Variants in STAC observed in about 807,000 individuals in gnomAD.
STAC encodes SH3 and cysteine-rich domain-containing protein.
Under a neutral mutation model 48.8 loss-of-function variants are expected in STAC, and 43 were observed. The observed-to-expected ratio is 0.88, with a 90% confidence interval of 0.69 to 1.14. The LOEUF (loss-of-function observed/expected upper bound fraction) is 1.14, where lower values mean the gene tolerates loss of function less well. Among genes scored for constraint, STAC ranks in the 50% most tolerant of loss-of-function variants. STAC has a pLI of 0.00. For synonymous variants in STAC, 193 were observed against 179.5 expected (o/e 1.07, Z -0.60); for missense variants, 497 against 504.0 (o/e 0.99, Z 0.13).
intron 10 of STAC, among the ~76,000 whole-genome samples, chr3:36,540,608 G>A (rs539723872): frequency 1.3e-5 from 2 of 152,178 alleles, no homozygotes; most frequent in Admixed American, 6.5e-5. Context: ...TGGAGAAAGG[G>A]GACCACAAGC....
At chr3:36,508,846 C>T (rs908266652) in intron 8 of STAC, among the ~76,000 whole-genome samples, 1 of 152,118 alleles carries the variant, frequency 6.6e-6, no homozygotes, top group African/African-American at 2.4e-5. Context: ...ACAAAGCACA[C>T]CGATGGGTCT....
At chr3:36,408,939 T>C (rs945064248) in intron 1 of STAC, among the ~76,000 whole-genome samples, 1 of 152,202 alleles carries the variant, frequency 6.6e-6, no homozygotes, top group Non-Finnish European at 1.5e-5. Flanking sequence ...TTAATTGTGA[T>C]ACCCTCCACA....
At chr3:36,473,128 C>A (rs1020193088) in intron 2 of STAC, among the ~76,000 whole-genome samples, 51 of 152,260 alleles carry the variant, frequency 3.3e-4, no homozygotes, top group African/African-American at 1.2e-3. Context: ...AGGAGGAAGC[C>A]AAAGCAGAAA....
intron 8 of STAC, among the ~76,000 whole-genome samples, chr3:36,527,762 A>G (rs777777945): frequency 2.0e-5 from 3 of 152,206 alleles, no homozygotes; most frequent in Non-Finnish European, 2.9e-5. Context: ...TTGAATAGAA[A>G]GAATTAAACA....
At chr3:36,452,889 A>C (rs1696723789) in intron 2 of STAC, among the ~76,000 whole-genome samples, 1 of 152,052 alleles carries the variant, frequency 6.6e-6, no homozygotes, top group Non-Finnish European at 1.5e-5. Context: ...TCCATGACTG[A>C]CTCTTCAGTT....
chr3:36,435,190 T>C (rs1198605381), intron 1 of STAC, among the ~76,000 whole-genome samples: 3 of 152,146 alleles, frequency 2.0e-5, no homozygotes, highest in African/African-American at 7.2e-5. Flanking sequence ...CCCTCCCCTG[T>C]CTCTGAAATG....
intron 1 of STAC, among the ~76,000 whole-genome samples, chr3:36,423,905 C>T (rs1027867013): frequency 6.6e-6 from 1 of 152,104 alleles, no homozygotes; most frequent in Non-Finnish European, 1.5e-5. Flanking sequence ...CATAAATAAT[C>T]TATTGTCCTA....
chr3:36,426,118 A>T (rs1700558862), intron 1 of STAC, among the ~76,000 whole-genome samples: 2 of 152,200 alleles, frequency 1.3e-5, no homozygotes, highest in Non-Finnish European at 2.9e-5. Flanking sequence ...TCATAGATAA[A>T]AGGAATCCAG....
chr3:36,404,157 T>C (rs570539408), intron 1 of STAC, among the ~76,000 whole-genome samples: 3 of 152,090 alleles, frequency 2.0e-5, no homozygotes, highest in Non-Finnish European at 4.4e-5. Flanking sequence ...AATAAGGAGA[T>C]CTAAACAAAT....
intron 10 of STAC, among the ~76,000 whole-genome samples, chr3:36,544,979 G>A (rs1699412061): frequency 6.6e-6 from 1 of 152,182 alleles, no homozygotes; most frequent in Non-Finnish European, 1.5e-5. Context: ...CACAAATCAA[G>A]CTCTTTGAGT....
chr3:36,445,705 T>C (rs1257125190), intron 2 of STAC, among the ~76,000 whole-genome samples: 1 of 152,218 alleles, frequency 6.6e-6, no homozygotes, highest in Non-Finnish European at 1.5e-5. Flanking sequence ...CACGTTATCC[T>C]CATATTCTAG....
At chr3:36,494,929 T>G (rs1469380347) in intron 6 of STAC, among the ~76,000 whole-genome samples, 1 of 152,216 alleles carries the variant, frequency 6.6e-6, no homozygotes, top group Admixed American at 6.5e-5. Flanking sequence ...CACCAGAGAC[T>G]TGCATGATAA....
At chr3:36,428,091 T>C (rs1368631472) in intron 1 of STAC, among the ~76,000 whole-genome samples, 2 of 152,236 alleles carry the variant, frequency 1.3e-5, no homozygotes, top group South Asian at 2.1e-4. Context: ...TTTAATGCTA[T>C]GAAAGGTGTT....
chr3:36,483,097 G>C lies in STAC; in HGVS notation c.489+5G>C, dbSNP rs1697700965. 5 of 1,611,234 alleles carry C rather than the reference G, an allele frequency of 3.1e-6. No homozygotes were observed. Among genetic ancestry groups the C allele is most frequent in the Non-Finnish European group, 4.2e-6 (5 of 1,177,574 alleles). ...CAGCGGTGCATGGGCAAGCTGGTAA[G>C]GGCTTGTGCCAGGAGTGAGGCCCAC... On this transcript the variant is annotated splice_donor_5th_base_variant and intron_variant, in intron 3 of 10. Transcript: ENST00000273183.
chr3:36,498,995 T>A (rs757954443), intron 6 of STAC, among the ~76,000 whole-genome samples: 1 of 152,178 alleles, frequency 6.6e-6, no homozygotes, highest in South Asian at 2.1e-4. Flanking sequence ...ACAGTATAAG[T>A]GAAATAACAG....
At chr3:36,502,879 T>C (rs1348551553) in intron 6 of STAC, among the ~76,000 whole-genome samples, 1 of 152,186 alleles carries the variant, frequency 6.6e-6, no homozygotes, top group African/African-American at 2.4e-5. Flanking sequence ...GCTCCACCAA[T>C]GACTGCATAT....
chr3:36,421,240 A>G (rs950761044), intron 1 of STAC, among the ~76,000 whole-genome samples: 3 of 152,238 alleles, frequency 2.0e-5, no homozygotes, highest in African/African-American at 7.2e-5. Context: ...AAACTTGGAT[A>G]CATTCAACTG....
chr3:36,481,063 T>C lies in STAC; in HGVS notation c.389-1929T>C, dbSNP rs1012928522. Among the ~76,000 whole-genome samples the C allele has an allele frequency of 5.3e-5, 8 of 152,336 alleles. No individual in the cohort carries two copies. The East Asian group carries it at 9.6e-4, about 18-fold the overall frequency. On this transcript the variant is annotated intron_variant, in intron 2 of 10. Coordinates refer to ENST00000273183, the MANE Select transcript of STAC (RefSeq NM_003149.3). The stretch of plus-strand genomic sequence containing the variant: ...GGGAAATGTTTTCAAGAAAGCTTCA[T>C]TGAAATGCCAAGAGATCCACAGACT...
intron 2 of STAC, among the ~76,000 whole-genome samples, chr3:36,459,012 A>G (rs953767551): frequency 5.3e-5 from 8 of 152,218 alleles, no homozygotes; most frequent in African/African-American, 1.9e-4. Context: ...CAAGGCTTTA[A>G]CATATCTCCC....
Sources: allele counts gnomAD v4.1 joint callset (sites outside exome capture counted in the v4.1 genomes callset), GRCh38; gene constraint gnomAD v4.1.1; transcripts MANE v1.5; gene names NCBI Gene and HGNC (gene_info 2026-07-23, HGNC 2026-07-21).